ABCC5: variants seen among roughly 807,000 people sequenced by gnomAD.
ABCC5 encodes the protein ATP-binding cassette sub-family C member 5.
ABCC5 carries 61 observed loss-of-function variants against 160.9 expected under a neutral mutation model. The observed-to-expected ratio is 0.38, with a 90% CI of 0.31 to 0.47. The LOEUF (loss-of-function observed/expected upper bound fraction) is 0.47. Ranked by LOEUF, ABCC5 falls within the 20% of genes least tolerant of loss-of-function variation. ABCC5 has a pLI of 0.99. For synonymous variants in ABCC5, 666 were observed against 700.6 expected, an observed-to-expected ratio of 0.95 and a Z score of 0.78; for missense variants, 1,308 against 1,813.3, an observed-to-expected ratio of 0.72 and a Z score of 5.06.
At chr3:184,006,478 G>C (rs558706036) in intron 2 of ABCC5, 2 of 152,246 alleles carry the variant, frequency 1.3e-5, no homozygotes, top group East Asian at 3.9e-4. Flanking sequence ...CTCTTGACTT[G>C]GAAAACACAA....
At chr3:183,955,030 G>A (rs913620334) in intron 17 of ABCC5, among the ~76,000 whole-genome samples, 8 of 152,068 alleles carry the variant, frequency 5.3e-5, no homozygotes, top group African/African-American at 1.7e-4. Context: ...CTTGAGTGGT[G>A]GGGGAGTGGT....
intron 26 of ABCC5, among the ~76,000 whole-genome samples, chr3:183,931,845 C>T (rs2108766153): frequency 6.6e-6 from 1 of 152,242 alleles, no homozygotes; most frequent in South Asian, 2.1e-4. Flanking sequence ...TGGGTCTGAC[C>T]CACAGACAGA....
chr3:183,992,621 TAAAA>T (rs900459401), intron 2 of ABCC5, among the ~76,000 whole-genome samples: 1 of 149,970 alleles, frequency 6.7e-6, no homozygotes, highest in Non-Finnish European at 1.5e-5. Flanking sequence ...CCGTCTCTAC[TAAAA>T]AAAAATACAA....
chr3:183,939,595 T>C (rs1054735056), intron 25 of ABCC5, among the ~76,000 whole-genome samples: 11 of 152,230 alleles, frequency 7.2e-5, no homozygotes, highest in African/African-American at 2.7e-4. Flanking sequence ...TATAATAATG[T>C]TATGTCCTAT....
At chr3:183,954,408 C>T (rs2108801641) in intron 17 of ABCC5, among the ~76,000 whole-genome samples, 1 of 152,274 alleles carries the variant, frequency 6.6e-6, no homozygotes, top group East Asian at 1.9e-4. Flanking sequence ...CTCAGCCTCC[C>T]AAAGTGCTGG....
chr3:183,959,981 T>G, intron 16 of ABCC5, 146 bp from the exon 17 acceptor site: 1 of 559,532 alleles, frequency 1.8e-6, no homozygotes, highest in South Asian at 2.7e-5. Context: ...CTATACTCAT[T>G]TCTTGTACTT....
chr3:183,983,745 C>T (rs1393177217), intron 5 of ABCC5: 1 of 985,266 alleles, frequency 1.0e-6, no homozygotes, highest in Non-Finnish European at 1.2e-6. Context: ...GTATTAAATA[C>T]CAGGAAGTGG....
chr3:183,980,584 A>G (rs1718624771), intron 8 of ABCC5, among the ~76,000 whole-genome samples: 1 of 152,194 alleles, frequency 6.6e-6, no homozygotes, highest in South Asian at 2.1e-4. Flanking sequence ...TTGAGTGCTC[A>G]TCTCCTCTGG....
intron 23 of ABCC5, among the ~76,000 whole-genome samples, chr3:183,946,271 A>C (rs1164967531): frequency 6.6e-6 from 1 of 152,222 alleles, no homozygotes; most frequent in Admixed American, 6.5e-5. Context: ...TGTGGGAGTC[A>C]CAACAAATGG....
chr3:183,967,821 C>T (rs753459734), intron 11 of ABCC5, 55 bp from the exon 12 acceptor site: 5 of 1,416,654 alleles, frequency 3.5e-6, no homozygotes, highest in Non-Finnish European at 5.0e-6. Flanking sequence ...CCACTCATCG[C>T]TAAGGACTTG....
chr3:183,986,585 G>T (rs1242172034), intron 5 of ABCC5: 2 of 152,154 alleles, frequency 1.3e-5, no homozygotes, highest in African/African-American at 4.8e-5. Flanking sequence ...GGGAGCCAAT[G>T]AAGTTCTTGC....
chr3:183,948,066 T>C (rs1296522031), intron 22 of ABCC5, among the ~76,000 whole-genome samples: 1 of 152,202 alleles, frequency 6.6e-6, no homozygotes, highest in Admixed American at 6.5e-5. Flanking sequence ...AGGCAATGTT[T>C]ACTGCTGCTA....
chr3:184,008,153 C>A (rs1447468660), intron 2 of ABCC5, among the ~76,000 whole-genome samples: 1 of 152,182 alleles, frequency 6.6e-6, no homozygotes, highest in Non-Finnish European at 1.5e-5. Flanking sequence ...GGTGGACAAG[C>A]AGGCCCAGCA....
In ABCC5 at chr3:184,013,814, A is replaced by G. The variant is rs117986548; in HGVS notation, c.129+450T>C. 3.0e-4 allele frequency among the ~76,000 whole-genome samples: 46 copies of G among 152,276 alleles called. No homozygotes were observed. The East Asian group carries it at 8.5e-3, about 28-fold the overall frequency. Reference sequence around the variant, plus strand: ...CTCTTCCACTTATTGAGTGCTTACTATGGACCAGAGACTTATCAATAACCA... The same window carrying G: ...CTCTTCCACTTATTGAGTGCTTACTGTGGACCAGAGACTTATCAATAACCA... On this transcript the variant is annotated intron_variant, in intron 2 of 29. Coordinates refer to ENST00000334444, the MANE Select transcript of ABCC5 (RefSeq NM_005688.4).
chr3:183,944,869 C>T (rs1714696019), intron 24 of ABCC5, among the ~76,000 whole-genome samples: 1 of 152,176 alleles, frequency 6.6e-6, no homozygotes, highest in African/African-American at 2.4e-5. Context: ...TGTGTTCCCA[C>T]CCAAATCTCA....
chr3:183,943,006 A>C, intron 24 of ABCC5, 90 bp from the exon 25 acceptor site: 1 of 1,377,916 alleles, frequency 7.3e-7, no homozygotes, highest in Non-Finnish European at 9.9e-7. Context: ...CAGGACAACC[A>C]TAGTAGCCAC....
chr3:183,967,859 C>T, intron 11 of ABCC5, 93 bp from the exon 12 acceptor site: 2 of 1,017,030 alleles, frequency 2.0e-6, no homozygotes, highest in Admixed American at 1.8e-5. Flanking sequence ...TGTAGTCTAC[C>T]CATACAGAAC....
intron 25 of ABCC5, among the ~76,000 whole-genome samples, chr3:183,941,198 A>G (rs949035422): frequency 1.3e-5 from 2 of 152,024 alleles, no homozygotes; most frequent in South Asian, 2.1e-4. Context: ...GTCACTAACT[A>G]CTGTTTAATG....
chr3:183,942,066 G>A (rs1000087614), intron 25 of ABCC5, among the ~76,000 whole-genome samples: 1 of 151,474 alleles, frequency 6.6e-6, no homozygotes, highest in African/African-American at 2.4e-5. Flanking sequence ...TTGAGACGGA[G>A]TCTCGCTCTG....
Sources: gnomAD v4.1 joint callset for allele counts (sites outside exome capture counted in the v4.1 genomes callset) on GRCh38, gnomAD v4.1.1 for gene constraint, MANE v1.5 for transcripts, NCBI Gene and HGNC (gene_info 2026-07-23, HGNC 2026-07-21) for gene names.